Variants in ERC2 observed in about 807,000 individuals in gnomAD.
ERC2 encodes the protein ERC protein 2.
In ERC2, 42 loss-of-function variants were observed where a neutral mutation model predicts 114.8. The observed-to-expected ratio is 0.37, with a 90% confidence interval of 0.29 to 0.47. ERC2 has a LOEUF of 0.47. Among genes scored for constraint, ERC2 ranks in the 20% least tolerant of loss-of-function variants. ERC2 has a pLI of 0.99. For synonymous variants in ERC2, 454 were observed against 425.5 expected (o/e 1.07, Z -0.82); for missense variants, 939 against 1,150.7 (o/e 0.82, Z 2.66).
intron 1 of ERC2, among the ~76,000 whole-genome samples, chr3:56,458,147 G>A (rs909716481): frequency 2.0e-5 from 3 of 152,152 alleles, no homozygotes; most frequent in African/African-American, 7.2e-5. Flanking sequence ...TATTATGAAA[G>A]AACACCAGCC....
chr3:55,548,900 C>G (rs766302492), intron 17 of ERC2, among the ~76,000 whole-genome samples: 1 of 152,276 alleles, frequency 6.6e-6, no homozygotes, highest in Admixed American at 6.5e-5. Context: ...AAATGGAGAT[C>G]TCCAGCAGCC....
At chr3:55,673,804 G>GTTTT (rs10575865) in intron 17 of ERC2, among the ~76,000 whole-genome samples, 2 of 113,782 alleles carry the variant, frequency 1.8e-5, no homozygotes, top group African/African-American at 3.1e-5. Flanking sequence ...TAATTACCAA[G>GTTTT]TTTTTTTTTT....
intron 17 of ERC2, among the ~76,000 whole-genome samples, chr3:55,529,837 T>C (rs2053560899): frequency 6.6e-6 from 1 of 152,236 alleles, no homozygotes; most frequent in Admixed American, 6.5e-5. Context: ...AGAAGTAATA[T>C]GGCTGACTAC....
intron 17 of ERC2, among the ~76,000 whole-genome samples, chr3:55,609,851 C>T (rs1288916612): frequency 6.6e-6 from 1 of 151,988 alleles, no homozygotes; most frequent in Non-Finnish European, 1.5e-5. Context: ...TCAAAGTTGT[C>T]TCTCCTTGGA....
intron 14 of ERC2, among the ~76,000 whole-genome samples, chr3:55,799,448 T>TG (rs1249102802): frequency 9.6e-6 from 1 of 104,266 alleles, no homozygotes; most frequent in Non-Finnish European, 1.8e-5. Context: ...TATATATATA[T>TG]GCATATATAT....
At chr3:55,721,981 T>C (rs1195407132) in intron 15 of ERC2, among the ~76,000 whole-genome samples, 1 of 152,192 alleles carries the variant, frequency 6.6e-6, no homozygotes, top group Non-Finnish European at 1.5e-5. Flanking sequence ...AATCAGTTAA[T>C]TGTAGTTTCT....
chr3:55,860,754 TC>T (rs1344978450), intron 14 of ERC2, among the ~76,000 whole-genome samples: 3 of 152,168 alleles, frequency 2.0e-5, no homozygotes, highest in Non-Finnish European at 4.4e-5. Context: ...GTTGCCAAAA[TC>T]CTGAGGGCTT....
intron 13 of ERC2, among the ~76,000 whole-genome samples, chr3:55,939,505 G>A (rs1399823997): frequency 6.6e-6 from 1 of 152,204 alleles, no homozygotes; most frequent in African/African-American, 2.4e-5. Context: ...AATATGCACA[G>A]TATTCTTAAC....
intron 2 of ERC2, among the ~76,000 whole-genome samples, chr3:56,347,673 T>A (rs2058362267): frequency 6.6e-6 from 1 of 152,146 alleles, no homozygotes; most frequent in Admixed American, 6.5e-5. Flanking sequence ...GAGGTCTGGG[T>A]ACCAGGCCCT....
rs917654095 is a variant in ERC2 at position 55,520,223 on chromosome 3, G to T, written c.*40-8947C>A. Reference sequence around the variant, plus strand: ...ATCCTAGCACTTTGGGAGGGCAAGGGGGACAGATGGCCTGAGAGCCTGGCC... The same window carrying T: ...ATCCTAGCACTTTGGGAGGGCAAGGTGGACAGATGGCCTGAGAGCCTGGCC... On this transcript the variant is annotated intron_variant, in intron 17 of 17. Coordinates refer to ENST00000288221, the MANE Select transcript of ERC2 (RefSeq NM_015576.3). Among the ~76,000 whole-genome samples, 16 of 151,972 alleles carry T rather than the reference G, an allele frequency of 1.1e-4. No individual in the cohort carries two copies. The East Asian group carries it at 2.9e-3, about 28-fold the overall frequency.
intron 14 of ERC2, among the ~76,000 whole-genome samples, chr3:55,880,099 G>A (rs369200333): frequency 3.3e-5 from 5 of 152,292 alleles, no homozygotes; most frequent in East Asian, 1.9e-4. Context: ...AGGACAGGGA[G>A]GTTTCTTTCT....
chr3:55,744,128 C>A (rs561626662), intron 14 of ERC2, among the ~76,000 whole-genome samples: 32 of 152,264 alleles, frequency 2.1e-4, no homozygotes, highest in Admixed American at 7.2e-4. Flanking sequence ...TGTGGCCAGG[C>A]ATGGTGGATC....
chr3:56,397,705 C>A (rs11711109), intron 2 of ERC2, among the ~76,000 whole-genome samples: 4 of 152,018 alleles, frequency 2.6e-5, no homozygotes, highest in Non-Finnish European at 5.9e-5. Flanking sequence ...AAGATAACAG[C>A]GGCTTAAACA....
At chr3:55,903,111 C>G (rs570259316) in intron 13 of ERC2, among the ~76,000 whole-genome samples, 1 of 152,300 alleles carries the variant, frequency 6.6e-6, no homozygotes, top group South Asian at 2.1e-4. Context: ...TTTATATTCA[C>G]CTATTAAACT....
At chr3:55,571,551 G>C (rs1477524001) in intron 17 of ERC2, among the ~76,000 whole-genome samples, 1 of 152,150 alleles carries the variant, frequency 6.6e-6, no homozygotes, top group Non-Finnish European at 1.5e-5. Context: ...ATTCAAGCTA[G>C]TCAGTTCTAA....
At chr3:56,197,020 A>T in intron 3 of ERC2, among the ~76,000 whole-genome samples, 1 of 152,300 alleles carries the variant, frequency 6.6e-6, no homozygotes, top group Middle Eastern at 3.4e-3. Context: ...CAAAACAATT[A>T]AAAAAACATA....
At chr3:56,452,160 T>C (rs138974921) in intron 1 of ERC2, among the ~76,000 whole-genome samples, 1 of 152,334 alleles carries the variant, frequency 6.6e-6, no homozygotes, top group Non-Finnish European at 1.5e-5. Flanking sequence ...ACCATGCCCA[T>C]TGACTTTGAA....
intron 17 of ERC2, among the ~76,000 whole-genome samples, chr3:55,519,153 G>A (rs750748767): frequency 6.6e-6 from 1 of 152,100 alleles, no homozygotes; most frequent in Non-Finnish European, 1.5e-5. Context: ...ACCTGCAGAG[G>A]GAAAACTGTG....
At chr3:56,327,985 T>C (rs1213377167) in intron 2 of ERC2, among the ~76,000 whole-genome samples, 1 of 152,210 alleles carries the variant, frequency 6.6e-6, no homozygotes, top group East Asian at 1.9e-4. Context: ...GCTGTGACCA[T>C]ACAAAGTGAA....
Sources: allele counts gnomAD v4.1 joint callset (sites outside exome capture counted in the v4.1 genomes callset), GRCh38; gene constraint gnomAD v4.1.1; transcripts MANE v1.5; gene names NCBI Gene and HGNC (gene_info 2026-07-23, HGNC 2026-07-21).